Variants in SLAIN2 observed in about 807,000 individuals in gnomAD.
The protein encoded by SLAIN2 is SLAIN family member 2.
Under a neutral mutation model 56.6 loss-of-function variants are expected in SLAIN2, and 31 were observed. The ratio of observed to expected loss-of-function variants is 0.55; its 90% CI spans 0.41 to 0.74. SLAIN2 has a LOEUF of 0.74. SLAIN2 is among the 30% of genes least tolerant of loss of function. The probability of loss-of-function intolerance (pLI) is 0.00; values close to 1 mark genes in which losing one functional copy is unlikely to be tolerated. For missense variants in SLAIN2, 777 were observed against 754.2 expected (o/e 1.03, Z -0.35); for synonymous variants, 317 against 284.9 (o/e 1.11, Z -1.13).
Position 48,422,972 on chromosome 4 carries a change from C to A in SLAIN2, c.*895C>A, listed in dbSNP as rs1717200476. On this transcript the variant is annotated 3_prime_UTR_variant, in exon 8 of 8. Coordinates refer to ENST00000264313, the MANE Select transcript of SLAIN2 (RefSeq NM_020846.2). ...AGCAGGTTTTCATGATAGGAAAGAACAAGTAGTGTGTGTCTTTATTCTTGA... is the reference window on the plus strand; with the variant it reads ...AGCAGGTTTTCATGATAGGAAAGAAAAAGTAGTGTGTGTCTTTATTCTTGA... 6.6e-6 allele frequency: 1 copy of A among 152,110 alleles called. No homozygotes were observed. Among genetic ancestry groups the A allele is most frequent in the Non-Finnish European group, 1.5e-5 (1 of 68,016 alleles). The allele number at this position is 152,110 out of a possible 1,614,324, so 9.4% of individuals were successfully genotyped here. A position where few individuals can be genotyped will look rare whatever the true frequency, so the allele number is the denominator to read the frequency against.
rs2109795892 is a variant in SLAIN2 at position 48,425,867 on chromosome 4, T to A, written c.*3790T>A. 6.6e-6 allele frequency: 1 copy of A among 152,282 alleles called. No homozygotes were observed. Among genetic ancestry groups the A allele is most frequent in the Admixed American group, 6.5e-5 (1 of 15,284 alleles). The allele number at this position is 152,282 out of a possible 1,614,324, so 9.4% of individuals were successfully genotyped here. A position where few individuals can be genotyped will look rare whatever the true frequency, so the allele number is the denominator to read the frequency against. ...AAACCGATTATACTCATCGGCCTTA[T>A]TTACTGTAATACAAACTGGTTAAAA... On this transcript the variant is annotated 3_prime_UTR_variant, in exon 8 of 8. Coordinates refer to ENST00000264313, the MANE Select transcript of SLAIN2 (RefSeq NM_020846.2).
At chr4:48,345,379 AT>A (rs1243970905) in intron 1 of SLAIN2, among the ~76,000 whole-genome samples, 2 of 151,754 alleles carry the variant, frequency 1.3e-5, no homozygotes, top group Non-Finnish European at 1.5e-5. Context: ...GACCATGGTT[AT>A]TTTTTTCTTA....
intron 1 of SLAIN2, among the ~76,000 whole-genome samples, chr4:48,364,844 G>A (rs1246418465): frequency 7.0e-6 from 1 of 142,152 alleles, no homozygotes; most frequent in Non-Finnish European, 1.5e-5. Flanking sequence ...CCGCATGAGA[G>A]GGAGACCGTG....
intron 6 of SLAIN2, among the ~76,000 whole-genome samples, chr4:48,408,998 CAGTA>C (rs1716776943): frequency 6.6e-6 from 1 of 152,136 alleles, no homozygotes; most frequent in Admixed American, 6.5e-5. Flanking sequence ...GTATTCAGTA[CAGTA>C]GCATGCTGTA....
chr4:48,346,070 C>CTA (rs1354668907), intron 1 of SLAIN2, among the ~76,000 whole-genome samples: 1 of 152,232 alleles, frequency 6.6e-6, no homozygotes, highest in African/African-American at 2.4e-5. Flanking sequence ...TACTACATTA[C>CTA]TATCACCAAC....
At chr4:48,408,787 A>G (rs1716771115) in intron 6 of SLAIN2, among the ~76,000 whole-genome samples, 1 of 151,912 alleles carries the variant, frequency 6.6e-6, no homozygotes. Flanking sequence ...TAGTATTTAT[A>G]AGGTTTGCAG....
chr4:48,393,886 AG>A (rs2109771558), intron 6 of SLAIN2, among the ~76,000 whole-genome samples: 1 of 152,258 alleles, frequency 6.6e-6, no homozygotes, highest in African/African-American at 2.4e-5. Flanking sequence ...TTTGGAAAAA[AG>A]CTTAGCTTTC....
chr4:48,412,080 C>G (rs1046901988), intron 6 of SLAIN2, among the ~76,000 whole-genome samples: 13 of 152,112 alleles, frequency 8.5e-5, no homozygotes, highest in African/African-American at 2.7e-4. Context: ...GTTTCTTAAT[C>G]TTGACATTGA....
intron 6 of SLAIN2, among the ~76,000 whole-genome samples, chr4:48,400,173 A>T (rs1024092452): frequency 5.3e-5 from 8 of 152,100 alleles, no homozygotes; most frequent in African/African-American, 1.4e-4. Context: ...TACCTCCTCA[A>T]TTTCAGAACT....
chr4:48,401,580 CAGAA>C (rs1436310833), intron 6 of SLAIN2, among the ~76,000 whole-genome samples: 2 of 152,112 alleles, frequency 1.3e-5, no homozygotes, highest in Non-Finnish European at 2.9e-5. Flanking sequence ...TCTGTTTTGT[CAGAA>C]AGTAGGATTG....
chr4:48,367,995 A>G (rs1033195603), intron 1 of SLAIN2, among the ~76,000 whole-genome samples: 13 of 146,582 alleles, frequency 8.9e-5, no homozygotes, highest in Non-Finnish European at 1.5e-4. Context: ...TAGACATTTC[A>G]TATAAATGGA....
intron 6 of SLAIN2, among the ~76,000 whole-genome samples, chr4:48,401,729 G>C (rs981069959): frequency 6.6e-6 from 1 of 152,116 alleles, no homozygotes; most frequent in African/African-American, 2.4e-5. Context: ...TATCCAGCTT[G>C]CTACTCTGTG....
chr4:48,364,873 A>G (rs1488465231), intron 1 of SLAIN2, among the ~76,000 whole-genome samples: 15 of 44,920 alleles, frequency 3.3e-4, no homozygotes, highest in East Asian at 7.3e-4. Flanking sequence ...GAGACGGGAG[A>G]GGGAGGGGGA....
rs66798472 is a variant in SLAIN2, at chr4:48,395,445, GAAAAA to G, written c.1360+11667_1360+11671del. Among the ~76,000 whole-genome samples the G allele has an allele frequency of 1.3e-3, 191 of 145,898 alleles. 1 individual carries two copies. Among genetic ancestry groups the G allele is most frequent in the African/African-American group, 4.2e-3 (168 of 39,680 alleles). On this transcript the variant is annotated intron_variant, in intron 6 of 7. Coordinates refer to ENST00000264313, the MANE Select transcript of SLAIN2 (RefSeq NM_020846.2). The stretch of plus-strand genomic sequence containing the variant: ...AGGAAGAAGAAATTAGATTTTTTTT[GAAAAA>G]AAAAAGGAAAAGAAAAAATTTGGTT...
At chr4:48,370,537 A>G (rs555595024) in intron 2 of SLAIN2, among the ~76,000 whole-genome samples, 24 of 152,360 alleles carry the variant, frequency 1.6e-4, no homozygotes, top group Admixed American at 1.0e-3. Context: ...GCTAACAGTA[A>G]GTGCTGAGTA....
Position 48,372,037 on chromosome 4 carries a change from CATATACATATATACATAT to C in SLAIN2, c.538+2046_538+2063del, listed in dbSNP as rs1354309636. The stretch of plus-strand genomic sequence containing the variant: ...ATATACATATATACACATATATATA[CATATACATATATACATAT>C]ATATATATACACACACACACATATA... On this transcript the variant is annotated intron_variant, in intron 2 of 7. Transcript: ENST00000264313. 8.1e-4 allele frequency among the ~76,000 whole-genome samples: 113 copies of C among 138,930 alleles called. 1 individual carries two copies. Among genetic ancestry groups the C allele is most frequent in the African/African-American group, 3.3e-3 (112 of 34,100 alleles). 91.1% of individuals were successfully genotyped at this position (138,930 alleles called of 152,430 possible).
chr4:48,375,665 A>G (rs1413512785), intron 2 of SLAIN2, among the ~76,000 whole-genome samples: 2 of 152,124 alleles, frequency 1.3e-5, no homozygotes, highest in Non-Finnish European at 1.5e-5. Context: ...TGGCCTACTA[A>G]ATAGGTTTAG....
At chr4:48,388,427 T>C (rs1462106674) in intron 6 of SLAIN2, among the ~76,000 whole-genome samples, 1 of 152,164 alleles carries the variant, frequency 6.6e-6, no homozygotes, top group African/African-American at 2.4e-5. Context: ...ATAGGAATAA[T>C]TGGTTGAGAA....
chr4:48,370,185 A>T (rs539782843), intron 2 of SLAIN2, among the ~76,000 whole-genome samples, 188 bp downstream of exon 2: 16 of 152,272 alleles, frequency 1.1e-4, no homozygotes, highest in East Asian at 5.8e-4. Context: ...ATAGCTTTTT[A>T]AAAAAATCTT....
Sources: allele counts gnomAD v4.1 joint callset (sites outside exome capture counted in the v4.1 genomes callset), GRCh38; gene constraint gnomAD v4.1.1; transcripts MANE v1.5; gene names NCBI Gene and HGNC (gene_info 2026-07-23, HGNC 2026-07-21).